Variants in FILIP1L observed in about 807,000 individuals in gnomAD.
FILIP1L encodes filamin A-interacting protein 1-like.
Under a neutral mutation model 96.6 loss-of-function variants are expected in FILIP1L, and 55 were observed. The ratio of observed to expected loss-of-function variants is 0.57; its 90% confidence interval spans 0.46 to 0.71. The LOEUF (loss-of-function observed/expected upper bound fraction) is 0.71, where lower values mean the gene tolerates loss of function less well. Among genes scored for constraint, FILIP1L ranks in the 30% least tolerant of loss-of-function variants. FILIP1L has a pLI of 0.00. For synonymous variants in FILIP1L, 467 were observed against 473.9 expected (o/e 0.99, Z 0.19); for missense variants, 1,304 against 1,321.2 (o/e 0.99, Z 0.20).
At chr3:99,901,418 A>T (rs1706432005) in intron 4 of FILIP1L, among the ~76,000 whole-genome samples, 2 of 152,236 alleles carry the variant, frequency 1.3e-5, no homozygotes, top group African/African-American at 4.8e-5. Context: ...TCATGTCAAA[A>T]CAATGCACTT....
intron 1 of FILIP1L, among the ~76,000 whole-genome samples, chr3:99,955,266 T>A (rs1576598672): frequency 6.6e-6 from 1 of 152,222 alleles, no homozygotes; most frequent in Non-Finnish European, 1.5e-5. Context: ...ACAGAGCTAT[T>A]AGCAAAACTT....
intron 1 of FILIP1L, among the ~76,000 whole-genome samples, chr3:100,055,356 G>T (rs980878982): frequency 2.0e-5 from 3 of 152,076 alleles, no homozygotes; most frequent in Non-Finnish European, 4.4e-5. Context: ...CCATCCAGGC[G>T]ATAGAAAATC....
intron 1 of FILIP1L, among the ~76,000 whole-genome samples, chr3:100,098,379 T>G (rs2066247962): frequency 6.6e-6 from 1 of 152,208 alleles, no homozygotes; most frequent in African/African-American, 2.4e-5. Context: ...GTTACTGAAC[T>G]TCTCTCAGGC....
chr3:99,950,896 G>A (rs1559700678), intron 1 of FILIP1L, among the ~76,000 whole-genome samples: 1 of 152,158 alleles, frequency 6.6e-6, no homozygotes, highest in Non-Finnish European at 1.5e-5. Flanking sequence ...ACTGATCACG[G>A]AGACAGTAGT....
chr3:100,101,125 G>A (rs952945526), intron 1 of FILIP1L, among the ~76,000 whole-genome samples: 1 of 152,172 alleles, frequency 6.6e-6, no homozygotes, highest in East Asian at 1.9e-4. Context: ...AGACTATGGT[G>A]AAAAGTAAAC....
At chr3:99,881,060 T>C (rs752181612) in intron 4 of FILIP1L, among the ~76,000 whole-genome samples, 1 of 152,136 alleles carries the variant, frequency 6.6e-6, no homozygotes, top group Non-Finnish European at 1.5e-5. Flanking sequence ...GCCACGGTCT[T>C]GTTCCTCATC....
intron 2 of FILIP1L, 84 bp downstream of exon 2, chr3:99,930,685 T>A: frequency 1.4e-6 from 2 of 1,436,972 alleles, no homozygotes; most frequent in Non-Finnish European, 1.9e-6. Flanking sequence ...ACCACAGATA[T>A]CTATTTCTGT....
At chr3:100,039,215 A>T (rs2065160394) in intron 1 of FILIP1L, among the ~76,000 whole-genome samples, 2 of 152,214 alleles carry the variant, frequency 1.3e-5, no homozygotes. Context: ...TATGCATTTT[A>T]TCTAATTCAG....
intron 4 of FILIP1L, among the ~76,000 whole-genome samples, chr3:99,871,255 C>T (rs941113572): frequency 6.6e-6 from 1 of 152,132 alleles, no homozygotes; most frequent in African/African-American, 2.4e-5. Context: ...GTTTTCAGCT[C>T]CTAAACAAAA....
intron 1 of FILIP1L, among the ~76,000 whole-genome samples, chr3:100,052,474 G>T (rs2065390862): frequency 6.6e-6 from 1 of 152,080 alleles, no homozygotes; most frequent in South Asian, 2.1e-4. Context: ...TTGGAGGATG[G>T]GTCTTATGGC....
intron 4 of FILIP1L, among the ~76,000 whole-genome samples, chr3:99,851,887 C>T (rs1367806022): frequency 6.6e-6 from 1 of 152,158 alleles, no homozygotes; most frequent in Non-Finnish European, 1.5e-5. Context: ...TGAGAGACAT[C>T]TGTATGGGTT....
chr3:100,009,466 T>C (rs1710080810), intron 1 of FILIP1L, among the ~76,000 whole-genome samples: 1 of 152,162 alleles, frequency 6.6e-6, no homozygotes, highest in African/African-American at 2.4e-5. Flanking sequence ...CTGGGGTGAC[T>C]GTGGGTCAGA....
At position 100,045,731 on chromosome 3, in the gene FILIP1L, G is replaced by A. The variant is rs545473920; in HGVS notation, c.-11+68322C>T. 4.6e-5 allele frequency among the ~76,000 whole-genome samples: 7 copies of A among 152,346 alleles called. No homozygotes were observed. In the South Asian group the frequency reaches 1.4e-3, roughly 32 times the overall value. On this transcript the variant is annotated intron_variant, in intron 1 of 5. Transcript: ENST00000477258. ...GTAACATTATTTTTAGGAAGGCAAA[G>A]CCTTTACATTTCCAGACGGCAGCTT...
At chr3:99,945,663 C>T (rs1002772520) in intron 1 of FILIP1L, among the ~76,000 whole-genome samples, 13 of 152,202 alleles carry the variant, frequency 8.5e-5, no homozygotes, top group African/African-American at 3.1e-4. Context: ...GGTAGAGAGC[C>T]TGCCAAGTCA....
intron 1 of FILIP1L, among the ~76,000 whole-genome samples, chr3:100,060,261 G>C (rs1262912161): frequency 6.6e-6 from 1 of 152,086 alleles, no homozygotes; most frequent in Non-Finnish European, 1.5e-5. Flanking sequence ...GGGAGGTAAA[G>C]GAGTGAAGTA....
At chr3:99,973,893 A>G (rs1169923234) in intron 1 of FILIP1L, among the ~76,000 whole-genome samples, 2 of 152,168 alleles carry the variant, frequency 1.3e-5, no homozygotes, top group East Asian at 1.9e-4. Context: ...TTGATAGACA[A>G]TATATAATTG....
intron 1 of FILIP1L, among the ~76,000 whole-genome samples, chr3:100,013,935 C>T (rs1324632164): frequency 6.6e-6 from 1 of 152,024 alleles, no homozygotes; most frequent in African/African-American, 2.4e-5. Flanking sequence ...AACTGTGTAC[C>T]CTTTGAACAA....
At chr3:99,946,559 G>A (rs997653313) in intron 1 of FILIP1L, among the ~76,000 whole-genome samples, 17 of 152,114 alleles carry the variant, frequency 1.1e-4, no homozygotes, top group African/African-American at 4.1e-4. Context: ...GAAGGCATTT[G>A]GTCTTACAGA....
chr3:100,031,856 T>C (rs1020666479), intron 1 of FILIP1L, among the ~76,000 whole-genome samples: 1 of 152,324 alleles, frequency 6.6e-6, no homozygotes, highest in East Asian at 1.9e-4. Flanking sequence ...CCATATGGTC[T>C]GTGTAGTAAC....
Sources: gnomAD v4.1 joint callset for allele counts (sites outside exome capture counted in the v4.1 genomes callset) on GRCh38, gnomAD v4.1.1 for gene constraint, MANE v1.5 for transcripts, NCBI Gene and HGNC (gene_info 2026-07-23, HGNC 2026-07-21) for gene names.